Variants in CSMD3 observed in about 807,000 individuals in gnomAD.
The protein encoded by CSMD3 is CUB and Sushi multiple domains 3.
A neutral mutation model predicts 435.2 loss-of-function variants in CSMD3; 177 were observed. That is an observed-to-expected ratio of 0.41 (90% CI 0.36 to 0.46). The LOEUF is 0.46. Ranked by LOEUF, CSMD3 falls within the 20% of genes least tolerant of loss-of-function variation. The probability of loss-of-function intolerance (pLI) is 0.34; values close to 1 mark genes in which losing one functional copy is unlikely to be tolerated. For synonymous variants in CSMD3, 1,656 were observed against 1,520.5 expected (o/e 1.09, Z -2.07); for missense variants, 4,265 against 4,504.6 (o/e 0.95, Z 1.52).
intron 13 of CSMD3, among the ~76,000 whole-genome samples, chr8:112,775,720 A>G (rs1270620216): frequency 6.6e-6 from 1 of 151,872 alleles, no homozygotes; most frequent in Non-Finnish European, 1.5e-5. Flanking sequence ...GATCTACTTA[A>G]CCCACTTTGC....
At chr8:112,953,740 T>G (rs536011753) in intron 8 of CSMD3, among the ~76,000 whole-genome samples, 1 of 151,574 alleles carries the variant, frequency 6.6e-6, no homozygotes, top group East Asian at 1.9e-4. Flanking sequence ...GATAAAGTCC[T>G]TTTTGATATA....
chr8:112,771,194 A>C lies in CSMD3; in HGVS notation c.1972+28968T>G, dbSNP rs1451529998. Among the ~76,000 whole-genome samples, 29 of 152,090 alleles carry C rather than the reference A, an allele frequency of 1.9e-4. 1 individual carries two copies. The highest frequency in any genetic ancestry group is 1.9e-3 in the Admixed American group (29 of 15,248). On this transcript the variant is annotated intron_variant, in intron 13 of 70. Coordinates refer to ENST00000297405, the MANE Select transcript of CSMD3 (RefSeq NM_198123.2). ...AGGAGAAAGTCAAACATTCAATGTTAAAGTACCAAACACACTTGGTAGTTC... is the reference window on the plus strand; with the variant it reads ...AGGAGAAAGTCAAACATTCAATGTTCAAGTACCAAACACACTTGGTAGTTC...
chr8:112,999,407 C>T (rs573927027), intron 6 of CSMD3, among the ~76,000 whole-genome samples: 1 of 151,636 alleles, frequency 6.6e-6, no homozygotes, highest in Non-Finnish European at 1.5e-5. Flanking sequence ...ATTTTGAGGA[C>T]CAGCAAGGAT....
intron 53 of CSMD3, among the ~76,000 whole-genome samples, chr8:112,297,597 T>TA (rs1393996390): frequency 1.3e-5 from 2 of 152,006 alleles, no homozygotes; most frequent in Non-Finnish European, 2.9e-5. Context: ...AAGACATTGT[T>TA]AAAAAAACCT....
intron 37 of CSMD3, among the ~76,000 whole-genome samples, chr8:112,380,900 T>C (rs1281355255): frequency 6.6e-6 from 1 of 152,182 alleles, no homozygotes; most frequent in Non-Finnish European, 1.5e-5. Flanking sequence ...TTCTCTCTGT[T>C]TTCCAATATG....
At chr8:112,355,040 A>G (rs1192437947) in intron 38 of CSMD3, among the ~76,000 whole-genome samples, 2 of 152,234 alleles carry the variant, frequency 1.3e-5, no homozygotes, top group African/African-American at 4.8e-5. Flanking sequence ...GAACTAAGAA[A>G]TAAATCCACA....
intron 1 of CSMD3, among the ~76,000 whole-genome samples, chr8:113,367,113 A>G (rs1315786589): frequency 6.6e-6 from 1 of 151,904 alleles, no homozygotes; most frequent in African/African-American, 2.4e-5. Flanking sequence ...TAATTAGTCA[A>G]GTTAGTATTT....
intron 13 of CSMD3, among the ~76,000 whole-genome samples, chr8:112,722,916 T>C (rs1490626410): frequency 1.3e-5 from 2 of 152,084 alleles, no homozygotes; most frequent in Non-Finnish European, 2.9e-5. Context: ...GTTTTTGAAA[T>C]TATATTTTCC....
chr8:112,888,385 C>T (rs1189553488), intron 10 of CSMD3, among the ~76,000 whole-genome samples: 1 of 151,544 alleles, frequency 6.6e-6, no homozygotes, highest in African/African-American at 2.4e-5. Flanking sequence ...TAGGAGGCCC[C>T]ACAAAATTAC....
In CSMD3 at chr8:113,436,710, G is replaced by A. The variant is rs751563702; in HGVS notation, c.145C>T (p.Leu49Phe). 3.7e-6 allele frequency: 6 copies of A among 1,614,000 alleles called. No individual in the cohort carries two copies. The highest frequency in any genetic ancestry group is 5.1e-6 in the Non-Finnish European group (6 of 1,180,038). ...CAAGACACCGTCAATAAAAAGACGA[G>A]GTTCCAAAACGTAAATCCACTTTTA... is the stretch of plus-strand genomic sequence containing the variant. ...GIKSGFTFWNLVFLLTVSCVK... is the reference protein window; with the variant it reads ...GIKSGFTFWNFVFLLTVSCVK... The change falls in exon 1 of 71, where the codon CTC (leucine) becomes TTC (phenylalanine). Residue 49 changes from leucine (L) to phenylalanine (F), a missense_variant. By Grantham distance (22) the Leu-to-Phe change is conservative (BLOSUM62 0). Transcript: ENST00000297405.
intron 5 of CSMD3, 26 bp from the exon 6 acceptor site, chr8:113,019,205 A>C (rs1326957700): frequency 6.7e-7 from 1 of 1,488,456 alleles, no homozygotes; most frequent in Admixed American, 1.7e-5. Flanking sequence ...CAACAACAAA[A>C]AAATTTAAAA....
chr8:113,039,940 A>G (rs1433335710), intron 5 of CSMD3, among the ~76,000 whole-genome samples: 1 of 152,218 alleles, frequency 6.6e-6, no homozygotes, highest in East Asian at 1.9e-4. Context: ...CTAGGAGTCA[A>G]AACAACAGAC....
At position 112,998,465 on chromosome 8, in the gene CSMD3, A is replaced by G. The variant is rs184028000; in HGVS notation, c.1030+20602T>C. Among the ~76,000 whole-genome samples the G allele has an allele frequency of 4.5e-3, 680 of 152,056 alleles. 1 individual carries two copies. The highest frequency in any genetic ancestry group is 7.2e-3 in the Non-Finnish European group (486 of 67,940). On this transcript the variant is annotated intron_variant, in intron 6 of 70. Coordinates refer to ENST00000297405, the MANE Select transcript of CSMD3 (RefSeq NM_198123.2). The stretch of plus-strand genomic sequence containing the variant: ...TCTTCAAGGTTAAAAGACAAAAAAT[A>G]AAGTAAAATCATCTCCTGACTCTAC...
At position 113,273,892 on chromosome 8, in the gene CSMD3, T is replaced by C. The variant is rs572237744; in HGVS notation, c.514+4700A>G. On this transcript the variant is annotated intron_variant, in intron 3 of 70. Transcript: ENST00000297405. ...TAGAAACATTCATAATGATGTTTTATATTTTAACTGAATTATTTTCCTGTC... is the reference window on the plus strand; with the variant it reads ...TAGAAACATTCATAATGATGTTTTACATTTTAACTGAATTATTTTCCTGTC... 3.9e-5 allele frequency among the ~76,000 whole-genome samples: 6 copies of C among 152,256 alleles called. 1 individual carries two copies. The highest frequency in any genetic ancestry group is 2.6e-4 in the Admixed American group (4 of 15,282).
intron 6 of CSMD3, among the ~76,000 whole-genome samples, chr8:112,999,835 G>A (rs1564194333): frequency 6.6e-6 from 1 of 151,902 alleles, no homozygotes; most frequent in Non-Finnish European, 1.5e-5. Context: ...AAAAAAAAAG[G>A]TCATTTGCTG....
chr8:112,976,253 A>G, intron 6 of CSMD3, 105 bp from the exon 7 acceptor site: 1 of 1,328,648 alleles, frequency 7.5e-7, no homozygotes, highest in Non-Finnish European at 1.0e-6. Context: ...CCTTAAGGAT[A>G]ATCAACATGA....
intron 64 of CSMD3, 63 bp downstream of exon 64, chr8:112,246,957 G>C (rs900650385): frequency 8.9e-7 from 1 of 1,128,200 alleles, no homozygotes; most frequent in Non-Finnish European, 1.3e-6. Flanking sequence ...TTGAATACTT[G>C]GGAGAAAAAA....
chr8:113,281,445 C>T (rs2093612181), intron 2 of CSMD3, among the ~76,000 whole-genome samples: 1 of 151,852 alleles, frequency 6.6e-6, no homozygotes, highest in African/African-American at 2.4e-5. Flanking sequence ...CTTTTAACTG[C>T]TGTTGCTTTA....
intron 3 of CSMD3, among the ~76,000 whole-genome samples, chr8:113,178,857 G>C (rs1588213701): frequency 6.6e-6 from 1 of 151,896 alleles, no homozygotes. Context: ...CTTGATCATA[G>C]ATGGCTTCAC....
Sources: gnomAD v4.1 joint callset for allele counts (sites outside exome capture counted in the v4.1 genomes callset) on GRCh38, gnomAD v4.1.1 for gene constraint, MANE v1.5 for transcripts, NCBI Gene and HGNC (gene_info 2026-07-23, HGNC 2026-07-21) for gene names.